Variants in RPS6KA5 observed in about 807,000 individuals in gnomAD.
The protein encoded by RPS6KA5 is ribosomal protein S6 kinase A5.
RPS6KA5 carries 27 observed loss-of-function variants against 85.5 expected under a neutral mutation model. The ratio of observed to expected loss-of-function variants is 0.32; its 90% CI spans 0.23 to 0.44. The LOEUF (loss-of-function observed/expected upper bound fraction) is 0.44. RPS6KA5 is among the 20% of genes least tolerant of loss of function. RPS6KA5 has a pLI of 1.00. For synonymous variants in RPS6KA5, 334 were observed against 348.2 expected (o/e 0.96, Z 0.46); for missense variants, 811 against 980.9 (o/e 0.83, Z 2.31).
intron 5 of RPS6KA5, among the ~76,000 whole-genome samples, chr14:90,927,911 T>C (rs542692652): frequency 8.0e-5 from 11 of 137,912 alleles, no homozygotes; most frequent in African/African-American, 3.1e-4. Context: ...GGCATATGTC[T>C]TTTTTCTCTT....
intron 1 of RPS6KA5, among the ~76,000 whole-genome samples, chr14:91,043,378 A>G (rs1426414697): frequency 6.6e-6 from 1 of 151,932 alleles, no homozygotes. Context: ...TGCAACCCAG[A>G]CCTCTTTTAC....
rs930784063 is a variant in RPS6KA5 at position 90,862,818 on chromosome 14, T to A, written c.*9256A>T. Reference sequence around the variant, plus strand: ...TTAGGCAAAATATTAGCAAACTATATCCATTGATATATGAAAAGGGCAATA... The same window carrying A: ...TTAGGCAAAATATTAGCAAACTATAACCATTGATATATGAAAAGGGCAATA... On this transcript the variant is annotated 3_prime_UTR_variant, in exon 17 of 17. Transcript: ENST00000614987. 4 of 152,078 alleles carry A rather than the reference T, an allele frequency of 2.6e-5. No homozygotes were observed. The highest frequency in any genetic ancestry group is 4.8e-5 in the African/African-American group (2 of 41,396). The allele number at this position is 152,078 out of a possible 1,614,324, so 9.4% of individuals were successfully genotyped here. A position where few individuals can be genotyped will look rare whatever the true frequency, so the allele number is the denominator to read the frequency against.
At chr14:91,027,400 C>T (rs980079698) in intron 1 of RPS6KA5, among the ~76,000 whole-genome samples, 1 of 152,006 alleles carries the variant, frequency 6.6e-6, no homozygotes, top group South Asian at 2.1e-4. Context: ...TTCCACTTTG[C>T]CAAAGATCAG....
intron 12 of RPS6KA5, 134 bp downstream of exon 12, chr14:90,899,195 C>A: frequency 1.6e-6 from 1 of 623,868 alleles, no homozygotes. Context: ...GGTGGTTTCA[C>A]TGCCCTTTCT....
rs2031984071 is a variant in RPS6KA5, at chr14:90,851,212, G to A, written c.*20862C>T. On this transcript the variant is annotated 3_prime_UTR_variant, in exon 17 of 17. Transcript: ENST00000614987. ...ATCACCATGCCTGGCTAATTTTTTT[G>A]TACTTTTAGTAGAGACGGGGTTTCA... 1 of 151,994 alleles carries A rather than the reference G, an allele frequency of 6.6e-6. No individual in the cohort carries two copies. The highest frequency in any genetic ancestry group is 6.6e-5 in the Admixed American group (1 of 15,238). 9.4% of individuals were successfully genotyped at this position (151,994 alleles called of 1,614,324 possible).
chr14:91,052,823 A>C (rs1168596047), intron 1 of RPS6KA5, among the ~76,000 whole-genome samples: 2 of 118,796 alleles, frequency 1.7e-5, no homozygotes, highest in African/African-American at 6.7e-5. Flanking sequence ...ACAGAGCGAG[A>C]CTCCATCTCC....
chr14:91,023,258 G>C (rs2041860890), intron 1 of RPS6KA5, among the ~76,000 whole-genome samples: 1 of 151,848 alleles, frequency 6.6e-6, no homozygotes, highest in African/African-American at 2.4e-5. Flanking sequence ...TACCTGTGTA[G>C]GGTATTCTCT....
chr14:90,927,033 T>C (rs1024665716), intron 5 of RPS6KA5, among the ~76,000 whole-genome samples: 1 of 152,088 alleles, frequency 6.6e-6, no homozygotes, highest in Non-Finnish European at 1.5e-5. Flanking sequence ...ATATAAAAAT[T>C]AGATAAATAA....
At chr14:91,024,934 T>G (rs548355017) in intron 1 of RPS6KA5, among the ~76,000 whole-genome samples, 2 of 152,072 alleles carry the variant, frequency 1.3e-5, no homozygotes, top group Admixed American at 6.6e-5. Context: ...CAGGCTGGAG[T>G]GCAGTGGTGT....
chr14:90,904,184 A>T (rs111301265), intron 8 of RPS6KA5, among the ~76,000 whole-genome samples: 2,483 of 152,250 alleles, frequency 0.016, 83 homozygotes, highest in African/African-American at 0.057. Context: ...CTCCTGACCT[A>T]GTGATCCGCC....
chr14:90,925,761 T>C (rs533276094), intron 5 of RPS6KA5, among the ~76,000 whole-genome samples: 1 of 148,904 alleles, frequency 6.7e-6, no homozygotes, highest in East Asian at 2.0e-4. Context: ...TGAAACCCTG[T>C]CTCTACAAAA....
At chr14:91,014,514 A>C (rs1333348802) in intron 1 of RPS6KA5, among the ~76,000 whole-genome samples, 1 of 151,624 alleles carries the variant, frequency 6.6e-6, no homozygotes, top group East Asian at 1.9e-4. Context: ...AAAAAAAAAA[A>C]ACAAAAAACA....
intron 14 of RPS6KA5, among the ~76,000 whole-genome samples, chr14:90,882,518 C>G (rs576263457): frequency 6.6e-6 from 1 of 152,202 alleles, no homozygotes; most frequent in Non-Finnish European, 1.5e-5. Context: ...CCTTTCTTGT[C>G]AGCCTGCAGG....
intron 1 of RPS6KA5, among the ~76,000 whole-genome samples, chr14:91,047,743 T>C (rs921904295): frequency 6.6e-6 from 1 of 152,228 alleles, no homozygotes; most frequent in Non-Finnish European, 1.5e-5. Flanking sequence ...CTGGATCTCA[T>C]GGAGCTAAAA....
chr14:90,981,456 G>GT (rs1267416978), intron 2 of RPS6KA5, among the ~76,000 whole-genome samples: 2 of 151,966 alleles, frequency 1.3e-5, no homozygotes, highest in Non-Finnish European at 2.9e-5. Flanking sequence ...AAAAACTATT[G>GT]TATTTCACTC....
chr14:90,961,055 T>C (rs2038770595), intron 3 of RPS6KA5, among the ~76,000 whole-genome samples: 1 of 152,154 alleles, frequency 6.6e-6, no homozygotes, highest in Admixed American at 6.5e-5. Context: ...AATCCGGATG[T>C]AAAACAATGA....
intron 16 of RPS6KA5, 83 bp from the exon 17 acceptor site, chr14:90,872,405 A>G: frequency 6.7e-7 from 1 of 1,483,642 alleles, no homozygotes. Context: ...GCAGAAGACA[A>G]CTTTCCATTG....
chr14:90,905,294 T>C (rs1227485631), intron 8 of RPS6KA5, among the ~76,000 whole-genome samples: 2 of 152,146 alleles, frequency 1.3e-5, no homozygotes, highest in South Asian at 2.1e-4. Context: ...TATTTTCATT[T>C]GTTTTGGTGA....
chr14:91,033,197 A>AG (rs909110339), intron 1 of RPS6KA5, among the ~76,000 whole-genome samples: 13 of 151,662 alleles, frequency 8.6e-5, no homozygotes, highest in African/African-American at 3.1e-4. Flanking sequence ...CTCAAAAAAA[A>AG]AAAAGAAAAA....
Sources: allele counts gnomAD v4.1 joint callset (sites outside exome capture counted in the v4.1 genomes callset), GRCh38; gene constraint gnomAD v4.1.1; transcripts MANE v1.5; gene names NCBI Gene and HGNC (gene_info 2026-07-23, HGNC 2026-07-21).